The following SEC14L1 variants were observed in gnomAD, a reference collection of about 807,000 sequenced individuals.
SEC14L1 encodes SEC14-like protein 1.
SEC14L1 carries 48 observed loss-of-function variants against 85.3 expected under a neutral mutation model. The observed-to-expected ratio is 0.56, with a 90% CI of 0.45 to 0.72. The LOEUF (loss-of-function observed/expected upper bound fraction) is 0.72, where lower values mean the gene tolerates loss of function less well. Among genes scored for constraint, SEC14L1 ranks in the 30% least tolerant of loss-of-function variants. The probability of loss-of-function intolerance (pLI) is 0.00; values close to 1 mark genes in which losing one functional copy is unlikely to be tolerated. For missense variants in SEC14L1, 682 were observed against 921.4 expected, an observed-to-expected ratio of 0.74 and a Z score of 3.36; for synonymous variants, 391 against 355.5, an observed-to-expected ratio of 1.10 and a Z score of -1.12.
At position 77,100,393 on chromosome 17, in the gene SEC14L1, C is replaced by CTT. The variant is rs572735925; in HGVS notation, c.-136+7058_-136+7059dup. 6.6e-4 allele frequency among the ~76,000 whole-genome samples: 37 copies of CTT among 56,100 alleles called. 1 individual carries two copies. Among genetic ancestry groups the CTT allele is most frequent in the African/African-American group, 1.5e-3 (29 of 18,754 alleles). 36.8% of individuals were successfully genotyped at this position (56,100 alleles called of 152,430 possible). ...TTTCCCCTTCCTTGGCTGGCTTTTT[C>CTT]TTTTTTTTTTTTTCTTTTCTTTCTC... On this transcript the variant is annotated intron_variant, in intron 3 of 19. Coordinates refer to the SEC14L1 transcript ENST00000392476.
In SEC14L1 at chr17:77,209,329, TTTC is replaced by T. The variant is rs778501274; in HGVS notation, c.1477-6_1477-4del. On this transcript the variant is annotated splice_polypyrimidine_tract_variant and intron_variant, in intron 13 of 16. Coordinates refer to ENST00000436233, the MANE Select transcript of SEC14L1 (RefSeq NM_001143998.2). ...TGTTTGCACAGGTTTCACTGCTGTG[TTTC>T]TTCTTCCAGTGCGAAGTGCCAGAGG... 6.8e-6 allele frequency: 11 copies of T among 1,613,920 alleles called. No homozygotes were observed. Among genetic ancestry groups the T allele is most frequent in the South Asian group, 4.4e-5 (4 of 91,070 alleles).
intron 3 of SEC14L1, among the ~76,000 whole-genome samples, chr17:77,116,887 T>C (rs1972181890): frequency 6.6e-6 from 1 of 152,130 alleles, no homozygotes; most frequent in Admixed American, 6.6e-5. Flanking sequence ...GAGAGGGGGC[T>C]GGGGCCATGG....
At chr17:77,159,380 TTC>T (rs1185073103) in intron 3 of SEC14L1, among the ~76,000 whole-genome samples, 5 of 146,054 alleles carry the variant, frequency 3.4e-5, no homozygotes, top group East Asian at 2.2e-4. Flanking sequence ...TTTCTTCTTC[TTC>T]TTTTTTTTTT....
chr17:77,190,887 G>A lies in SEC14L1; in HGVS notation c.148G>A (p.Gly50Arg). The change falls in exon 4 of 17, where the codon GGG becomes AGG. Residue 50 changes from glycine (G) to arginine (R), a missense_variant. This residue lies in a region of SEC14L1 where 139 missense variants were observed against 201.3 expected (regional missense o/e 0.69). Coordinates refer to ENST00000436233, the MANE Select transcript of SEC14L1 (RefSeq NM_001143998.2). ...TGTGAATGAATTCAAGAGCGAAGAT[G>A]GGGCTATTCATGTCATTGAAAGGCG... ...DTVNEFKSED[G>R]AIHVIERRCK... The A allele has an allele frequency of 1.9e-6, 3 of 1,614,224 alleles. No individual in the cohort carries two copies. The highest frequency in any genetic ancestry group is 2.5e-6 in the Non-Finnish European group (3 of 1,180,022).
At chr17:77,197,915 T>G (rs536716197) in intron 8 of SEC14L1, among the ~76,000 whole-genome samples, 1 of 152,354 alleles carries the variant, frequency 6.6e-6, no homozygotes, top group African/African-American at 2.4e-5. Context: ...CTCGAATGAC[T>G]TTTTAAAGAC....
At chr17:77,200,732 T>C (rs540973882) in intron 9 of SEC14L1, 59 bp downstream of exon 9, 164 of 1,525,560 alleles carry the variant, frequency 1.1e-4, no homozygotes, top group Non-Finnish European at 1.4e-4. Context: ...GTTGAAGATA[T>C]CTTCCAAGGC....
intron 3 of SEC14L1, among the ~76,000 whole-genome samples, chr17:77,187,434 G>GT (rs1261111144): frequency 6.6e-6 from 1 of 152,026 alleles, no homozygotes; most frequent in Non-Finnish European, 1.5e-5. Context: ...TTGGAGTGTG[G>GT]TGGCACCATT....
chr17:77,151,264 C>T (rs528621733), intron 3 of SEC14L1, among the ~76,000 whole-genome samples: 5 of 152,130 alleles, frequency 3.3e-5, no homozygotes, highest in East Asian at 3.9e-4. Flanking sequence ...GTGCTGCCCT[C>T]GTTTGTAAAG....
At chr17:77,103,862 C>A (rs1324934825) in intron 3 of SEC14L1, among the ~76,000 whole-genome samples, 1 of 150,554 alleles carries the variant, frequency 6.6e-6, no homozygotes, top group Non-Finnish European at 1.5e-5. Flanking sequence ...GCGGGAAGAC[C>A]GTGGATCCAG....
chr17:77,214,417 C>G lies in SEC14L1; in HGVS notation c.*394C>G, dbSNP rs1190046879. 14 of 1,003,544 alleles carry G rather than the reference C, an allele frequency of 1.4e-5. No individual in the cohort carries two copies. In the East Asian group the frequency reaches 1.5e-3, roughly 106 times the overall value. The allele number at this position is 1,003,544 out of a possible 1,614,324, so 62.2% of individuals were successfully genotyped here. On this transcript the variant is annotated 3_prime_UTR_variant, in exon 17 of 17. Transcript: ENST00000436233. Reference sequence around the variant, plus strand: ...GTGACATCCTCCAGAGATGGCCCCTCCTCACCTGGGACGGAAGCTGCCAGC... The same window carrying G: ...GTGACATCCTCCAGAGATGGCCCCTGCTCACCTGGGACGGAAGCTGCCAGC...
intron 3 of SEC14L1, among the ~76,000 whole-genome samples, chr17:77,180,705 C>T (rs995160728): frequency 1.6e-4 from 24 of 152,146 alleles, no homozygotes; most frequent in African/African-American, 3.4e-4. Context: ...TTGCCAGAAG[C>T]GGCCTTTGAT....
chr17:77,209,458 C>A lies in SEC14L1; in HGVS notation c.1593C>A (p.Phe531Leu). The change falls in exon 14 of 17, where the codon TTC (phenylalanine) becomes TTA (leucine). Residue 531 changes from phenylalanine to leucine, a missense_variant. This residue lies in a region of SEC14L1 where 420 missense variants were observed against 619.5 expected (regional missense o/e 0.68). Transcript: ENST00000436233. ...CCATCTACCAGTCTGCAAGCGTCTT[C>A]AAAGGAGCCCCACATGAGGTACGTC... is the stretch of plus-strand genomic sequence containing the variant. ...TETIYQSASV[F>L]KGAPHEILIQ... 6.2e-7 allele frequency: 1 copy of A among 1,614,140 alleles called. No homozygotes were observed. Among genetic ancestry groups the A allele is most frequent in the Non-Finnish European group, 8.5e-7 (1 of 1,180,026 alleles).
intron 3 of SEC14L1, among the ~76,000 whole-genome samples, chr17:77,101,705 C>T (rs549421790): frequency 6.6e-6 from 1 of 152,262 alleles, no homozygotes; most frequent in East Asian, 1.9e-4. Context: ...TCACAAGCTC[C>T]CAGGCCATGC....
intron 3 of SEC14L1, among the ~76,000 whole-genome samples, chr17:77,133,765 C>G (rs1211490947): frequency 2.0e-5 from 3 of 151,812 alleles, no homozygotes; most frequent in Non-Finnish European, 4.4e-5. Context: ...ATGGAGAAAC[C>G]CCGTCTCTAC....
chr17:77,113,140 T>A (rs2143370585), intron 3 of SEC14L1, among the ~76,000 whole-genome samples: 1 of 152,072 alleles, frequency 6.6e-6, no homozygotes, highest in East Asian at 1.9e-4. Flanking sequence ...GCCCAGACAT[T>A]AGAGCAAGAC....
intron 3 of SEC14L1, among the ~76,000 whole-genome samples, chr17:77,109,633 A>G (rs565472920): frequency 1.3e-5 from 2 of 152,318 alleles, no homozygotes; most frequent in East Asian, 1.9e-4. Context: ...AGGGCCTCCT[A>G]TGATTTTTGT....
At chr17:77,139,782 G>A (rs1293104768), upstream of SEC14L1, among the ~76,000 whole-genome samples, 1 of 152,116 alleles carries the variant, frequency 6.6e-6, no homozygotes, top group Admixed American at 6.6e-5. Context: ...ACAGGCGTGA[G>A]CCACCGCGCC....
chr17:77,176,431 T>C (rs559972838), intron 3 of SEC14L1, among the ~76,000 whole-genome samples: 58 of 152,346 alleles, frequency 3.8e-4, no homozygotes, highest in African/African-American at 1.2e-3. Flanking sequence ...TCTCTCCAGA[T>C]TGAAGGTTGG....
chr17:77,142,286 A>G (rs1490601203), intron 1 of SEC14L1, among the ~76,000 whole-genome samples: 2 of 152,164 alleles, frequency 1.3e-5, no homozygotes, highest in Non-Finnish European at 2.9e-5. Context: ...TATAGATGGG[A>G]ATTCTATACC....
Sources: allele counts gnomAD v4.1 joint callset (sites outside exome capture counted in the v4.1 genomes callset), GRCh38; gene constraint gnomAD v4.1.1; regional missense constraint gnomAD v4.1.1; transcripts MANE v1.5; gene names NCBI Gene and HGNC (gene_info 2026-07-23, HGNC 2026-07-21).